Variants in SNX8 observed in about 807,000 individuals in gnomAD.
SNX8 encodes the protein sorting nexin 8.
A neutral mutation model predicts 51.6 loss-of-function variants in SNX8; 25 were observed. That is an observed-to-expected ratio of 0.48 (90% CI 0.35 to 0.68). The LOEUF (loss-of-function observed/expected upper bound fraction) is 0.68. Ranked by LOEUF, SNX8 falls within the 30% of genes least tolerant of loss-of-function variation. SNX8 has a pLI of 0.00. For missense variants in SNX8, 695 were observed against 624.0 expected (o/e 1.11, Z -1.21); for synonymous variants, 324 against 277.0 (o/e 1.17, Z -1.68).
chr7:2,275,053 AG>A, intron 3 of SNX8, 58 bp downstream of exon 3: 1 of 1,157,176 alleles, frequency 8.6e-7, no homozygotes, highest in Non-Finnish European at 1.3e-6. Context: ...CCAGGACCAC[AG>A]GGTCCAGGAG....
intron 6 of SNX8, among the ~76,000 whole-genome samples, chr7:2,263,734 G>A (rs1363478594): frequency 4.0e-5 from 6 of 151,064 alleles, no homozygotes; most frequent in African/African-American, 1.5e-4. Context: ...TTTTTTTTGA[G>A]ACGGAGTCTC....
At chr7:2,302,978 C>G (rs1375859909) in intron 1 of SNX8, among the ~76,000 whole-genome samples, 1 of 151,884 alleles carries the variant, frequency 6.6e-6, no homozygotes, top group Non-Finnish European at 1.5e-5. Context: ...AGGAGCGTCT[C>G]CGCCCGGCAG....
intron 5 of SNX8, among the ~76,000 whole-genome samples, chr7:2,268,548 T>TG (rs767631836): frequency 0.01 from 1,167 of 116,132 alleles, 3 homozygotes; most frequent in Admixed American, 0.012. Flanking sequence ...GGGAGGGAGG[T>TG]GGGGGGGTCA....
chr7:2,280,256 A>G (rs757084908), intron 1 of SNX8, among the ~76,000 whole-genome samples: 8 of 152,202 alleles, frequency 5.3e-5, no homozygotes, highest in Non-Finnish European at 1.2e-4. Context: ...ACAAGGAATA[A>G]TGTTTAAAAA....
At chr7:2,279,901 G>A (rs1476713022) in intron 1 of SNX8, among the ~76,000 whole-genome samples, 4 of 151,992 alleles carry the variant, frequency 2.6e-5, no homozygotes, top group Non-Finnish European at 4.4e-5. Context: ...TACAAGTTTT[G>A]TGTGAAAAAG....
intron 1 of SNX8, among the ~76,000 whole-genome samples, chr7:2,293,223 A>G (rs1362234222): frequency 1.4e-5 from 2 of 147,770 alleles, no homozygotes; most frequent in Non-Finnish European, 3.0e-5. Flanking sequence ...TAAGTGATCC[A>G]CCCACCTCGG....
In SNX8 at chr7:2,330,541, C is replaced by A. The variant is rs984100283; in HGVS notation, c.-66+23681G>T. Among the ~76,000 whole-genome samples the A allele has an allele frequency of 2.0e-5, 3 of 152,102 alleles. No individual in the cohort carries two copies. In the South Asian group the frequency reaches 6.2e-4, roughly 31 times the overall value. ...GAACCCCAAAAGACGGTCCTGGGAA[C>A]CTCAACATGAAGCCAGTCAGTCAAA... On this transcript the variant is annotated intron_variant, in intron 1 of 5. Coordinates refer to the SNX8 transcript ENST00000435336.
intron 1 of SNX8, among the ~76,000 whole-genome samples, chr7:2,351,560 C>T (rs1028448118): frequency 6.6e-6 from 1 of 150,536 alleles, no homozygotes; most frequent in African/African-American, 2.4e-5. Flanking sequence ...AGGCCAGGCG[C>T]AGTGGCTCAC....
rs544028362 is a variant in SNX8, at chr7:2,331,200, A to AG, written c.-66+23021_-66+23022insC. ...ACTCTGTCTCAAAAAAAAAAAAAAA[A>AG]AAAGAAAGAAAGAAAAGAAAAGAAA... On this transcript the variant is annotated intron_variant, in intron 1 of 5. Transcript: ENST00000435336. Among the ~76,000 whole-genome samples, 990 of 149,008 alleles carry AG rather than the reference A, an allele frequency of 6.6e-3. 7 individuals are homozygous for AG. Among genetic ancestry groups the AG allele is most frequent in the African/African-American group, 0.022 (893 of 39,922 alleles).
At chr7:2,304,817 T>C (rs1796510539) in intron 1 of SNX8, among the ~76,000 whole-genome samples, 1 of 152,114 alleles carries the variant, frequency 6.6e-6, no homozygotes, top group South Asian at 2.1e-4. Flanking sequence ...AATCTCCTTT[T>C]GGTGCAAAAC....
intron 1 of SNX8, among the ~76,000 whole-genome samples, chr7:2,292,674 G>C (rs954798098): frequency 1.3e-5 from 2 of 152,156 alleles, no homozygotes; most frequent in East Asian, 1.9e-4. Flanking sequence ...GCCTCCCGAA[G>C]TGCTGGGATT....
chr7:2,317,852 G>C (rs113633490), upstream of SNX8, among the ~76,000 whole-genome samples: 792 of 152,190 alleles, frequency 5.2e-3, 3 homozygotes, highest in African/African-American at 0.014. Flanking sequence ...CCGAGATCGA[G>C]ATGTCCTTCT....
intron 1 of SNX8, among the ~76,000 whole-genome samples, chr7:2,345,205 C>A (rs763270965): frequency 6.6e-6 from 1 of 151,910 alleles, no homozygotes; most frequent in African/African-American, 2.4e-5. Context: ...TACTTTTATA[C>A]GAATGTGAAG....
chr7:2,296,331 T>C (rs912268169), intron 1 of SNX8, among the ~76,000 whole-genome samples: 1 of 152,024 alleles, frequency 6.6e-6, no homozygotes, highest in Admixed American at 6.6e-5. Context: ...TGGTTGTTGT[T>C]ATTGTAGCTA....
chr7:2,336,845 A>G (rs1482074872), intron 1 of SNX8, among the ~76,000 whole-genome samples: 2 of 151,158 alleles, frequency 1.3e-5, no homozygotes, highest in South Asian at 4.2e-4. Context: ...CATCTCTACT[A>G]AAAAAACAAA....
intron 1 of SNX8, among the ~76,000 whole-genome samples, chr7:2,291,628 A>G (rs111840723): frequency 1.4e-4 from 22 of 151,984 alleles, no homozygotes; most frequent in Non-Finnish European, 2.8e-4. Context: ...AAAAAAGGAA[A>G]CCAGTCTCGG....
intron 7 of SNX8, among the ~76,000 whole-genome samples, chr7:2,262,284 C>G (rs1372644733): frequency 6.6e-6 from 1 of 152,190 alleles, no homozygotes; most frequent in Non-Finnish European, 1.5e-5. Flanking sequence ...AAGCAGTCCT[C>G]CTGCCTCAGC....
chr7:2,329,307 TAAATAA>T (rs1008499431), intron 1 of SNX8, among the ~76,000 whole-genome samples: 1 of 151,042 alleles, frequency 6.6e-6, no homozygotes, highest in Admixed American at 6.6e-5. Flanking sequence ...AAAAAATAAA[TAAATAA>T]AAATAAAATT....
chr7:2,277,389 G>C (rs992930444), intron 2 of SNX8, among the ~76,000 whole-genome samples: 1 of 152,162 alleles, frequency 6.6e-6, no homozygotes, highest in African/African-American at 2.4e-5. Flanking sequence ...TCACTGTTTG[G>C]GGTCCGGAGT....
Sources: allele counts gnomAD v4.1 joint callset (sites outside exome capture counted in the v4.1 genomes callset), GRCh38; gene constraint gnomAD v4.1.1; transcripts MANE v1.5; gene names NCBI Gene and HGNC (gene_info 2026-07-23, HGNC 2026-07-21).